The following COL4A4 variants were observed in gnomAD, a reference collection of about 807,000 sequenced individuals.
COL4A4 encodes collagen type IV alpha 4 chain.
COL4A4 carries 105 observed loss-of-function variants against 192.9 expected under a neutral mutation model. The observed-to-expected ratio is 0.54, with a 90% confidence interval of 0.46 to 0.64. The LOEUF (loss-of-function observed/expected upper bound fraction) is 0.64. COL4A4 is among the 30% of genes least tolerant of loss of function. The pLI is 0.00. For synonymous variants in COL4A4, 762 were observed against 769.9 expected (o/e 0.99, Z 0.17); for missense variants, 1,967 against 2,169.3 (o/e 0.91, Z 1.85).
At chr2:226,986,560 G>A in the COL4A4 span, among the ~76,000 whole-genome samples, 1 of 152,140 alleles carries the variant, frequency 6.6e-6, no homozygotes, top group Non-Finnish European at 1.5e-5. Flanking sequence ...CATTTATGTG[G>A]CCAAGAAGCA....
the COL4A4 span, among the ~76,000 whole-genome samples, chr2:226,972,776 T>C: frequency 6.6e-6 from 1 of 152,200 alleles, no homozygotes; most frequent in Non-Finnish European, 1.5e-5. Context: ...TCTTGCTGTT[T>C]AAGGGTGCCT....
Position 227,133,721 on chromosome 2 carries a change from A to T in COL4A4, c.192+6440T>A, listed in dbSNP as rs138652449. On this transcript the variant is annotated intron_variant, in intron 4 of 47. Transcript: ENST00000396625. ...AGCCTGGCCAACATGGCAAAATCCC[A>T]TCTCTACTAAAAATACAAACATTAG... Among the ~76,000 whole-genome samples, 5 of 152,096 alleles carry T rather than the reference A, an allele frequency of 3.3e-5. No individual in the cohort carries two copies. The East Asian group carries it at 9.7e-4, about 30-fold the overall frequency.
At position 227,110,539 on chromosome 2, in the gene COL4A4, C is replaced by T. The variant is rs186389379; in HGVS notation, c.594+1139G>A. Among the ~76,000 whole-genome samples the T allele has an allele frequency of 2.8e-4, 42 of 152,240 alleles. No homozygotes were observed. In the East Asian group the frequency reaches 6.4e-3, roughly 23 times the overall value. On this transcript the variant is annotated intron_variant, in intron 9 of 47. Coordinates refer to ENST00000396625, the MANE Select transcript of COL4A4 (RefSeq NM_000092.5). Reference sequence around the variant, plus strand: ...CTGGGATTACAGCCACGCACCACCACGTCTGGCTAATTTTTGTATTTTTAG... The same window carrying T: ...CTGGGATTACAGCCACGCACCACCATGTCTGGCTAATTTTTGTATTTTTAG...
intron 12 of COL4A4, among the ~76,000 whole-genome samples, chr2:227,106,713 A>G (rs546115310): frequency 7.2e-5 from 11 of 152,202 alleles, no homozygotes; most frequent in South Asian, 2.1e-4. Context: ...CTACAGGCAC[A>G]CGCCACCATG....
chr2:227,108,618 T>A lies in COL4A4; in HGVS notation c.698A>T (p.Asn233Ile). The A allele has an allele frequency of 1.2e-6, 2 of 1,614,086 alleles. No homozygotes were observed. The highest frequency in any genetic ancestry group is 2.7e-5 in the African/African-American group (2 of 75,048). ...TTGCCCCTTTACTCCCACACCGGGA[T>A]TTCCCTGAGAAAGAAATGAAAAAGA... is the stretch of plus-strand genomic sequence containing the variant. ...GQPGRPGLKGNPGVGVKGQMG... is the reference protein window; with the variant it reads ...GQPGRPGLKGIPGVGVKGQMG... The change falls in exon 12 of 48, where the codon AAT (asparagine) becomes ATT (isoleucine). Residue 233 changes from asparagine to isoleucine, a missense_variant. By Grantham distance (149) the Asn-to-Ile change is moderately radical (BLOSUM62 -3). Coordinates refer to ENST00000396625, the MANE Select transcript of COL4A4 (RefSeq NM_000092.5).
intron 25 of COL4A4, among the ~76,000 whole-genome samples, chr2:227,063,235 A>T (rs1917129): frequency 0.64 from 97,516 of 151,578 alleles, 31,933 homozygotes; most frequent in African/African-American, 0.76. Context: ...TCTGAATGAA[A>T]AATTTTCTAG....
chr2:227,042,936 T>C (rs1971754237), intron 36 of COL4A4, 141 bp downstream of exon 36: 1 of 690,706 alleles, frequency 1.4e-6, no homozygotes, highest in Admixed American at 2.2e-5. Context: ...ATAGGTGAGC[T>C]TAAGTGACCT....
chr2:227,001,935 G>A (rs1389716102), downstream of COL4A4, among the ~76,000 whole-genome samples: 1 of 152,212 alleles, frequency 6.6e-6, no homozygotes, highest in Non-Finnish European at 1.5e-5. Flanking sequence ...TGCTTTGGAA[G>A]GCTGAGGCAG....
chr2:227,068,011 T>C (rs373055666), intron 25 of COL4A4, among the ~76,000 whole-genome samples: 3 of 143,318 alleles, frequency 2.1e-5, no homozygotes, highest in African/African-American at 7.8e-5. Flanking sequence ...ATCAAATAGA[T>C]GCAATAAAAA....
chr2:226,978,643 C>T, the COL4A4 span, among the ~76,000 whole-genome samples: 3 of 152,282 alleles, frequency 2.0e-5, no homozygotes, highest in South Asian at 6.2e-4. Flanking sequence ...TGTCCTTGCC[C>T]CCATGGAGCT....
chr2:227,109,348 AGTTGCGTG>A, intron 9 of COL4A4, 62 bp from the exon 10 acceptor site: 11 of 1,341,908 alleles, frequency 8.2e-6, no homozygotes, highest in Non-Finnish European at 8.6e-6. Context: ...TCACAGAAAG[AGTTGCGTG>A]TGATCCCATG....
Position 227,010,372 on chromosome 2 carries a change from C to G in COL4A4, c.4463G>C (p.Trp1488Ser), listed in dbSNP as rs777452956. The G allele has an allele frequency of 6.2e-7, 1 of 1,614,086 alleles. No individual in the cohort carries two copies. The change falls in exon 46 of 48, where the codon TGG becomes TCG. Residue 1488 changes from tryptophan (W) to serine (S), a missense_variant. Coordinates refer to ENST00000396625, the MANE Select transcript of COL4A4 (RefSeq NM_000092.5). ...CAGGTATAACAGACTATACCCAGTC[C>G]AGAGCCTGGGCATGCCCAGGGGGCA... ...PTCPLGMPRL[W>S]TGYSLLYLEG... is the part of the protein sequence containing the mutation.
chr2:227,016,992 C>G (rs1231413771), intron 44 of COL4A4, among the ~76,000 whole-genome samples: 6 of 152,182 alleles, frequency 3.9e-5, no homozygotes, highest in African/African-American at 1.2e-4. Context: ...CACCACCTTC[C>G]AAGAGAGTAT....
At position 227,007,392 on chromosome 2, in the gene COL4A4, G is replaced by T; in HGVS notation, c.5006C>A (p.Thr1669Asn). The change falls in exon 48 of 48, where the codon ACC becomes AAC. Residue 1669 changes from threonine (T) to asparagine (N), a missense_variant. Transcript: ENST00000396625. Reference sequence around the variant, plus strand: ...GCGTTGGGCCTGGCTTTCTTTTAAGGTGTCTGGTGCTGGAGCAGAGGAAAA... The same window carrying T: ...GCGTTGGGCCTGGCTTTCTTTTAAGTTGTCTGGTGCTGGAGCAGAGGAAAA... ...LQFSSAPAPDTLKESQAQRQK... is the reference protein window; with the variant it reads ...LQFSSAPAPDNLKESQAQRQK... 6.2e-7 allele frequency: 1 copy of T among 1,614,220 alleles called. No individual in the cohort carries two copies. The highest frequency in any genetic ancestry group is 1.1e-5 in the South Asian group (1 of 91,086).
intron 37 of COL4A4, among the ~76,000 whole-genome samples, chr2:227,039,307 C>T (rs997406801): frequency 6.6e-6 from 1 of 152,146 alleles, no homozygotes; most frequent in Non-Finnish European, 1.5e-5. Flanking sequence ...GCTGGGACTA[C>T]AGGCACCCGC....
intron 17 of COL4A4, among the ~76,000 whole-genome samples, chr2:227,100,022 G>T (rs554585064): frequency 1.3e-5 from 2 of 152,280 alleles, no homozygotes; most frequent in South Asian, 4.1e-4. Context: ...GTCTAACTTG[G>T]CATCGATGAC....
At chr2:227,090,450 T>TAA (rs907516096) in intron 20 of COL4A4, among the ~76,000 whole-genome samples, 1 of 151,938 alleles carries the variant, frequency 6.6e-6, no homozygotes, top group Non-Finnish European at 1.5e-5. Flanking sequence ...AAGAATATTA[T>TAA]AAAAAAAGCA....
At chr2:226,986,589 A>G in the COL4A4 span, among the ~76,000 whole-genome samples, 1 of 152,256 alleles carries the variant, frequency 6.6e-6, no homozygotes, top group Admixed American at 6.5e-5. Flanking sequence ...AAAGCTCATC[A>G]TCACTGGTCA....
chr2:227,043,091 G>C lies in COL4A4; in HGVS notation c.3383C>G (p.Pro1128Arg). ...GRPGPPGSSG[P>R]PGCPGDHGMP... ...TTTCAAGGTACCTGGGCACCCTGGT[G>C]GTCCAGAGGAGCCAGGTGGCCCTGG... Residue 1128 changes from proline (P) to arginine (R), a missense_variant, in exon 36 of 48, where the codon CCA becomes CGA. Coordinates refer to ENST00000396625, the MANE Select transcript of COL4A4 (RefSeq NM_000092.5). 1 of 1,612,760 alleles carries C rather than the reference G, an allele frequency of 6.2e-7. No individual in the cohort carries two copies. Among genetic ancestry groups the C allele is most frequent in the Non-Finnish European group, 8.5e-7 (1 of 1,179,290 alleles).
Sources: gnomAD v4.1 joint callset for allele counts (sites outside exome capture counted in the v4.1 genomes callset) on GRCh38, gnomAD v4.1.1 for gene constraint, MANE v1.5 for transcripts, NCBI Gene and HGNC (gene_info 2026-07-23, HGNC 2026-07-21) for gene names.